The following PTPRM variants were observed in gnomAD, a reference collection of about 807,000 sequenced individuals.
PTPRM encodes the protein receptor-type tyrosine-protein phosphatase mu.
PTPRM carries 47 observed loss-of-function variants against 186.7 expected under a neutral mutation model. The ratio of observed to expected loss-of-function variants is 0.25; its 90% CI spans 0.20 to 0.32. The LOEUF (loss-of-function observed/expected upper bound fraction) is 0.32. PTPRM is among the 10% of genes least tolerant of loss of function. The pLI, the probability that PTPRM is intolerant of heterozygous loss-of-function variation, is 1.00. For synonymous variants in PTPRM, 668 were observed against 674.9 expected, an observed-to-expected ratio of 0.99 and a Z score of 0.16; for missense variants, 1,494 against 1,865.0, an observed-to-expected ratio of 0.80 and a Z score of 3.66.
chr18:7,990,444 G>A (rs2147617878), intron 7 of PTPRM, among the ~76,000 whole-genome samples: 1 of 152,274 alleles, frequency 6.6e-6, no homozygotes, highest in South Asian at 2.1e-4. Flanking sequence ...GTCATAAATA[G>A]ATTGCTGTGT....
At chr18:7,714,441 C>T (rs2040279770) in intron 1 of PTPRM, among the ~76,000 whole-genome samples, 1 of 152,090 alleles carries the variant, frequency 6.6e-6, no homozygotes. Context: ...GGCATCCTAA[C>T]ATCACAATTA....
chr18:8,216,319 G>T (rs1222254723), intron 14 of PTPRM, among the ~76,000 whole-genome samples: 1 of 151,966 alleles, frequency 6.6e-6, no homozygotes, highest in African/African-American at 2.4e-5. Context: ...CTAAAATTTT[G>T]AATAACAAGA....
intron 2 of PTPRM, among the ~76,000 whole-genome samples, chr18:7,812,363 G>A (rs1484143897): frequency 6.6e-6 from 1 of 152,170 alleles, no homozygotes; most frequent in African/African-American, 2.4e-5. Context: ...CCATAAGCAG[G>A]AGCATATTTT....
At chr18:8,065,446 G>A (rs535639927) in intron 7 of PTPRM, among the ~76,000 whole-genome samples, 1 of 152,188 alleles carries the variant, frequency 6.6e-6, no homozygotes, top group African/African-American at 2.4e-5. Flanking sequence ...GAGTCGGTAA[G>A]AGCTCACTGA....
chr18:8,027,620 C>A (rs140210831), intron 7 of PTPRM, among the ~76,000 whole-genome samples: 2 of 152,240 alleles, frequency 1.3e-5, no homozygotes, highest in East Asian at 3.9e-4. Flanking sequence ...AGACTTCCCA[C>A]GTGGCAAAAT....
intron 7 of PTPRM, among the ~76,000 whole-genome samples, chr18:8,054,198 A>C (rs1299271912): frequency 1.3e-5 from 2 of 150,308 alleles, no homozygotes. Context: ...CACGATGTTG[A>C]TTTTACCTTT....
chr18:7,739,167 C>T (rs78424045), intron 1 of PTPRM, among the ~76,000 whole-genome samples: 4,212 of 152,188 alleles, frequency 0.028, 78 homozygotes, highest in Non-Finnish European at 0.04. Flanking sequence ...TTTTCGCTCA[C>T]CTCATGAGGC....
At position 8,031,321 on chromosome 18, in the gene PTPRM, A is replaced by G. The variant is rs567668023; in HGVS notation, c.1133-38365A>G. On this transcript the variant is annotated intron_variant, in intron 7 of 32. Transcript: ENST00000580170. ...GATAGTGCTAACAGCTTTTTCTATG[A>G]AATATGTTGGCTAGTGGGTGGAAAA... 5.3e-5 allele frequency among the ~76,000 whole-genome samples: 8 copies of G among 152,276 alleles called. No individual in the cohort carries two copies. In the South Asian group the frequency reaches 1.7e-3, roughly 32 times the overall value.
intron 11 of PTPRM, among the ~76,000 whole-genome samples, chr18:8,106,937 C>T (rs562254448): frequency 2.8e-4 from 42 of 152,164 alleles, no homozygotes; most frequent in African/African-American, 9.9e-4. Context: ...CCATCTGGCC[C>T]AAAGCACTGG....
intron 14 of PTPRM, among the ~76,000 whole-genome samples, chr18:8,184,028 C>G (rs1386318046): frequency 6.6e-6 from 1 of 152,158 alleles, no homozygotes; most frequent in Non-Finnish European, 1.5e-5. Context: ...GACCAGGCAA[C>G]CACTTTGAAC....
intron 24 of PTPRM, among the ~76,000 whole-genome samples, chr18:8,373,886 G>GA (rs563237434): frequency 0.016 from 2,062 of 129,456 alleles, 29 homozygotes; most frequent in African/African-American, 0.046. Context: ...CCCTGTCTCG[G>GA]AAAAAAAAAA....
chr18:8,323,915 T>C (rs2095360584), intron 22 of PTPRM, among the ~76,000 whole-genome samples: 1 of 152,140 alleles, frequency 6.6e-6, no homozygotes, highest in African/African-American at 2.4e-5. Context: ...AAATTTCATT[T>C]AAGGTGGTTC....
Position 8,237,122 on chromosome 18 carries a change from G to A in PTPRM, c.2301-6936G>A, listed in dbSNP as rs1258091459. 2.6e-5 allele frequency among the ~76,000 whole-genome samples: 4 copies of A among 152,014 alleles called. No homozygotes were observed. The East Asian group carries it at 7.7e-4, about 29-fold the overall frequency. On this transcript the variant is annotated intron_variant, in intron 14 of 32. Coordinates refer to ENST00000580170, the MANE Select transcript of PTPRM (RefSeq NM_001105244.2). Reference sequence around the variant, plus strand: ...AACACTGTACCACTTCACAGGTAGTGAAAGTTCTTATAATAGCAAAGTATT... The same window carrying A: ...AACACTGTACCACTTCACAGGTAGTAAAAGTTCTTATAATAGCAAAGTATT...
intron 19 of PTPRM, among the ~76,000 whole-genome samples, chr18:8,293,365 C>G (rs1424092673): frequency 1.3e-5 from 2 of 152,202 alleles, no homozygotes; most frequent in African/African-American, 4.8e-5. Flanking sequence ...GCATCATTCC[C>G]CACAAGGGAG....
intron 4 of PTPRM, among the ~76,000 whole-genome samples, chr18:7,916,834 A>G (rs1332478213): frequency 6.6e-6 from 1 of 152,192 alleles, no homozygotes; most frequent in Non-Finnish European, 1.5e-5. Flanking sequence ...TTGCAAATAT[A>G]CCAGAAATTA....
chr18:7,584,403 G>T (rs1467748501), intron 1 of PTPRM, among the ~76,000 whole-genome samples: 7 of 152,178 alleles, frequency 4.6e-5, no homozygotes, highest in Admixed American at 3.3e-4. Context: ...GGCTTTAGGA[G>T]ATCTGAGCTC....
At chr18:8,262,930 A>G (rs1271848900) in intron 19 of PTPRM, among the ~76,000 whole-genome samples, 1 of 152,202 alleles carries the variant, frequency 6.6e-6, no homozygotes, top group Non-Finnish European at 1.5e-5. Flanking sequence ...ATTAAAAAAT[A>G]CAAGCTCAGA....
At chr18:8,300,775 G>GT (rs2095148514) in intron 20 of PTPRM, among the ~76,000 whole-genome samples, 1 of 152,036 alleles carries the variant, frequency 6.6e-6, no homozygotes, top group Non-Finnish European at 1.5e-5. Context: ...TGTTATTTTT[G>GT]TATCTTTCTA....
intron 1 of PTPRM, among the ~76,000 whole-genome samples, chr18:7,711,978 C>T (rs1365309578): frequency 1.3e-5 from 2 of 152,128 alleles, no homozygotes; most frequent in Non-Finnish European, 2.9e-5. Context: ...AGCATTCAAG[C>T]TCCACTAAGG....
Sources: allele counts gnomAD v4.1 joint callset (sites outside exome capture counted in the v4.1 genomes callset), GRCh38; gene constraint gnomAD v4.1.1; transcripts MANE v1.5; gene names NCBI Gene and HGNC (gene_info 2026-07-23, HGNC 2026-07-21).